MROH7: variants seen among roughly 807,000 people sequenced by gnomAD.
The protein encoded by MROH7 is maestro heat like repeat family member 7.
MROH7 carries 113 observed loss-of-function variants against 129.2 expected under a neutral mutation model. That is an observed-to-expected ratio of 0.87 (90% CI 0.75 to 1.02). MROH7 has a LOEUF of 1.02. Ranked by LOEUF, MROH7 falls within the 50% of genes least tolerant of loss-of-function variation. The pLI is 0.00. For missense variants in MROH7, 1,601 were observed against 1,671.3 expected, an observed-to-expected ratio of 0.96 and a Z score of 0.73; for synonymous variants, 655 against 667.9, an observed-to-expected ratio of 0.98 and a Z score of 0.30.
chr1:54,676,069 T>C (rs954837239), intron 10 of MROH7, among the ~76,000 whole-genome samples: 1 of 152,092 alleles, frequency 6.6e-6, no homozygotes, highest in Non-Finnish European at 1.5e-5. Context: ...AGGTAAACAA[T>C]GGGTAATTTT....
chr1:54,658,446 T>C lies in MROH7; in HGVS notation c.1231+4289T>C, dbSNP rs181215149. 8.4e-3 allele frequency among the ~76,000 whole-genome samples: 1,278 copies of C among 152,340 alleles called. 9 individuals carry two copies. The highest frequency in any genetic ancestry group is 0.018 in the South Asian group (88 of 4,826). On this transcript the variant is annotated intron_variant, in intron 3 of 23. Coordinates refer to ENST00000421030, the MANE Select transcript of MROH7 (RefSeq NM_001039464.4). ...CTTTGTTCTTCTTTCAAGATTGTTT[T>C]GGCTATCAGGGCCACTCTTTGCTTT...
At chr1:54,700,044 G>A in intron 17 of MROH7, 1 of 660,036 alleles carries the variant, frequency 1.5e-6, no homozygotes, top group South Asian at 1.8e-5. Flanking sequence ...GTGGGCTGGA[G>A]GGTGGGCACG....
intron 22 of MROH7, among the ~76,000 whole-genome samples, chr1:54,707,696 C>T (rs989315994): frequency 6.6e-6 from 1 of 152,152 alleles, no homozygotes; most frequent in Non-Finnish European, 1.5e-5. Flanking sequence ...TATGTCAGGG[C>T]CTGTGCTGGG....
chr1:54,672,320 G>T (rs143436991), intron 7 of MROH7, among the ~76,000 whole-genome samples: 235 of 152,208 alleles, frequency 1.5e-3, no homozygotes, highest in African/African-American at 5.6e-3. Flanking sequence ...TGGCTTCAGG[G>T]TGTGTGCAGA....
chr1:54,642,476 G>A (rs1244765737), intron 1 of MROH7, among the ~76,000 whole-genome samples: 2 of 152,148 alleles, frequency 1.3e-5, no homozygotes, highest in Admixed American at 6.5e-5. Context: ...GAGGGAATGG[G>A]GAATAAGAAA....
At chr1:54,698,443 T>G (rs10888867) in intron 17 of MROH7, 28,275 of 152,594 alleles carry the variant, frequency 0.19, 2,946 homozygotes, top group South Asian at 0.28. Flanking sequence ...AATTGGTGGA[T>G]GGCGGGTGAT....
At chr1:54,691,802 AAG>A (rs1491312559) in intron 15 of MROH7, among the ~76,000 whole-genome samples, 2 of 90,768 alleles carry the variant, frequency 2.2e-5, no homozygotes, top group African/African-American at 8.5e-5. Context: ...AAAAAAAAAA[AAG>A]TGTGTGTGTG....
intron 19 of MROH7, 43 bp downstream of exon 19, chr1:54,701,365 G>A: frequency 2.0e-6 from 3 of 1,492,720 alleles, no homozygotes; most frequent in Admixed American, 4.5e-5. Context: ...GATCGAGAAG[G>A]GGGTCTTTTA....
chr1:54,665,176 A>C lies in MROH7; in HGVS notation c.1241A>C (p.Asp414Ala), dbSNP rs761336036. 6.8e-6 allele frequency: 11 copies of C among 1,613,708 alleles called. No individual in the cohort carries two copies. Among genetic ancestry groups the C allele is most frequent in the Middle Eastern group, 1.6e-4 (1 of 6,084 alleles). Residue 414 changes from aspartate (D) to alanine (A), a missense_variant, in exon 4 of 24, where the codon GAT (aspartate) becomes GCT (alanine). Asp to Ala is a moderately radical substitution (Grantham distance 126). Transcript: ENST00000421030. Reference protein sequence around the residue: ...TLQGIPEGAFDEVTSCLVKVP... With the variant: ...TLQGIPEGAFAEVTSCLVKVP... ...AAATCGTGCCCTGCAGGAGCCTTTG[A>C]TGAAGTGACCTCATGCCTGGTGAAG...
chr1:54,704,511 C>T (rs957229717), intron 21 of MROH7, among the ~76,000 whole-genome samples: 5 of 147,790 alleles, frequency 3.4e-5, no homozygotes, highest in African/African-American at 7.5e-5. Context: ...GATCTCGGCT[C>T]ACTGCAACCT....
Position 54,678,745 on chromosome 1 carries a change from C to A in MROH7, c.1940C>A (p.Ala647Asp). The A allele has an allele frequency of 6.2e-7, 1 of 1,611,816 alleles. No homozygotes were observed. The highest frequency in any genetic ancestry group is 1.3e-5 in the African/African-American group (1 of 74,916). ...TGAGAAGGTTCTCATCTTGCAGGAG[C>A]CAGAGATAAGGAAGAGACCAACAAA... The part of the protein sequence containing the change: ...LYTILELQKR[A>D]RDKEETNKKE... Residue 647 changes from alanine to aspartate, a missense_variant, in exon 11 of 24, where the codon GCC (alanine) becomes GAC (aspartate). Ala to Asp is a moderately radical substitution (Grantham distance 126, BLOSUM62 -2). Transcript: ENST00000421030.
intron 17 of MROH7, chr1:54,698,668 G>A (rs1035775931): frequency 9.8e-5 from 15 of 152,410 alleles, no homozygotes; most frequent in Admixed American, 9.2e-4. Context: ...GGAGGCCAGT[G>A]GGGGAGAGGA....
At chr1:54,683,418 G>A (rs938073204) in intron 14 of MROH7, among the ~76,000 whole-genome samples, 2 of 152,184 alleles carry the variant, frequency 1.3e-5, no homozygotes, top group Non-Finnish European at 2.9e-5. Flanking sequence ...TGGCTGGGCT[G>A]AAGAGACGGA....
At chr1:54,708,989 C>G in intron 22 of MROH7, 25 bp from the exon 23 acceptor site, 1 of 1,612,958 alleles carries the variant, frequency 6.2e-7, no homozygotes, top group Non-Finnish European at 8.5e-7. Flanking sequence ...AGACAAATGC[C>G]CTCACTTCTT....
chr1:54,694,029 G>A (rs755436642), intron 16 of MROH7, among the ~76,000 whole-genome samples: 15 of 152,144 alleles, frequency 9.9e-5, no homozygotes, highest in South Asian at 2.1e-4. Flanking sequence ...TCACAGGCAT[G>A]CGCCACCACG....
chr1:54,686,492 G>C, intron 15 of MROH7, 44 bp downstream of exon 15: 1 of 1,567,950 alleles, frequency 6.4e-7, no homozygotes, highest in Non-Finnish European at 8.7e-7. Flanking sequence ...CCCGGTGGTG[G>C]GAAGGGCCAT....
intron 3 of MROH7, among the ~76,000 whole-genome samples, chr1:54,662,679 C>T (rs972997664): frequency 6.6e-6 from 1 of 152,112 alleles, no homozygotes; most frequent in African/African-American, 2.4e-5. Flanking sequence ...CTATCACAAT[C>T]GAGTAATTAA....
intron 3 of MROH7, among the ~76,000 whole-genome samples, chr1:54,657,714 A>G (rs1298168403): frequency 6.7e-6 from 1 of 150,074 alleles, no homozygotes; most frequent in African/African-American, 2.5e-5. Flanking sequence ...TGGAGTCTTG[A>G]TTGCAGTGGT....
In MROH7 at chr1:54,678,783, G is replaced by A; in HGVS notation, c.1978G>A (p.Glu660Lys). 4 of 1,614,106 alleles carry A rather than the reference G, an allele frequency of 2.5e-6. No individual in the cohort carries two copies. The highest frequency in any genetic ancestry group is 3.4e-6 in the Non-Finnish European group (4 of 1,180,002). ...AGAGACCAACAAAAAGGAGCTATATGAGAGCAACAAGCATTTCCTGGGGCC... is the reference window on the plus strand; with the variant it reads ...AGAGACCAACAAAAAGGAGCTATATAAGAGCAACAAGCATTTCCTGGGGCC... ...KEETNKKELY[E>K]SNKHFLGPYN... Residue 660 changes from glutamate to lysine, a missense_variant, in exon 11 of 24, where the codon GAG (glutamate) becomes AAG (lysine). Physicochemically the swap from Glu to Lys is moderately conservative, Grantham distance 56 (BLOSUM62 1). Coordinates refer to ENST00000421030, the MANE Select transcript of MROH7 (RefSeq NM_001039464.4).
Sources: gnomAD v4.1 joint callset for allele counts (sites outside exome capture counted in the v4.1 genomes callset) on GRCh38, gnomAD v4.1.1 for gene constraint, MANE v1.5 for transcripts, NCBI Gene and HGNC (gene_info 2026-07-23, HGNC 2026-07-21) for gene names.